Variants in TJP1 observed in about 807,000 individuals in gnomAD.
TJP1 encodes tight junction protein ZO-1.
TJP1 carries 43 observed loss-of-function variants against 194.2 expected under a neutral mutation model. The ratio of observed to expected loss-of-function variants is 0.22; its 90% confidence interval spans 0.17 to 0.29. The LOEUF (loss-of-function observed/expected upper bound fraction) is 0.29. Ranked by LOEUF, TJP1 falls within the 10% of genes least tolerant of loss-of-function variation. The pLI is 1.00. For missense variants in TJP1, 1,971 were observed against 2,185.7 expected (o/e 0.90, Z 1.96); for synonymous variants, 801 against 779.0 (o/e 1.03, Z -0.47).
At chr15:29,924,133 G>A (rs1203730526) in intron 2 of TJP1, among the ~76,000 whole-genome samples, 1 of 152,122 alleles carries the variant, frequency 6.6e-6, no homozygotes, top group Non-Finnish European at 1.5e-5. Flanking sequence ...GAGTTCAGTG[G>A]CACAATCACT....
chr15:29,800,310 C>T (rs1373993592), intron 2 of TJP1, among the ~76,000 whole-genome samples: 1 of 152,144 alleles, frequency 6.6e-6, no homozygotes, highest in Non-Finnish European at 1.5e-5. Flanking sequence ...ACTTCACTCC[C>T]ACAATGGATG....
chr15:29,858,203 C>T (rs1026350082), intron 2 of TJP1, among the ~76,000 whole-genome samples: 1 of 152,108 alleles, frequency 6.6e-6, no homozygotes, highest in African/African-American at 2.4e-5. Flanking sequence ...GAGTTCGAGA[C>T]CAACCTGGGC....
chr15:29,833,857 GTATATATATA>G (rs71416436), intron 2 of TJP1, among the ~76,000 whole-genome samples: 8 of 25,868 alleles, frequency 3.1e-4, no homozygotes, highest in Admixed American at 1.8e-3. Flanking sequence ...ATTTTTGTAA[GTATATATATA>G]TATATATATA....
At chr15:29,796,698 A>G (rs1162538336) in intron 2 of TJP1, among the ~76,000 whole-genome samples, 1 of 152,214 alleles carries the variant, frequency 6.6e-6, no homozygotes, top group Non-Finnish European at 1.5e-5. Flanking sequence ...TTATACAGAA[A>G]GGCAAAGGAG....
chr15:29,830,722 A>G (rs964782824), intron 2 of TJP1, among the ~76,000 whole-genome samples: 1 of 152,054 alleles, frequency 6.6e-6, no homozygotes, highest in African/African-American at 2.4e-5. Context: ...GCCATTGAAA[A>G]GGACTGGGAG....
intron 2 of TJP1, among the ~76,000 whole-genome samples, chr15:29,898,578 T>G (rs1436727199): frequency 6.6e-6 from 1 of 152,168 alleles, no homozygotes; most frequent in East Asian, 1.9e-4. Context: ...ATTAGACAAA[T>G]GAACACAACA....
intron 2 of TJP1, among the ~76,000 whole-genome samples, chr15:29,947,933 T>C (rs1007722392): frequency 3.9e-5 from 6 of 152,128 alleles, no homozygotes; most frequent in African/African-American, 1.2e-4. Flanking sequence ...CCCACACTCC[T>C]TGCTACAAGA....
At chr15:29,876,549 T>G (rs1171755206) in intron 2 of TJP1, among the ~76,000 whole-genome samples, 5 of 152,060 alleles carry the variant, frequency 3.3e-5, no homozygotes, top group African/African-American at 1.2e-4. Context: ...AGATTTTTTT[T>G]GTGACTTTTT....
At chr15:29,919,397 C>T (rs972184600) in intron 2 of TJP1, among the ~76,000 whole-genome samples, 7 of 152,152 alleles carry the variant, frequency 4.6e-5, no homozygotes, top group Non-Finnish European at 8.8e-5. Flanking sequence ...AGTCATACAA[C>T]AGTGTTTTTT....
chr15:29,930,934 A>T (rs1490917162), intron 2 of TJP1, among the ~76,000 whole-genome samples: 2 of 152,212 alleles, frequency 1.3e-5, no homozygotes, highest in Admixed American at 1.3e-4. Flanking sequence ...AAAAATATAC[A>T]GCTGACACTT....
intron 2 of TJP1, among the ~76,000 whole-genome samples, chr15:29,843,725 GAAGA>G (rs1215725016): frequency 1.3e-5 from 2 of 152,208 alleles, no homozygotes; most frequent in Non-Finnish European, 2.9e-5. Flanking sequence ...AAAACTAAGT[GAAGA>G]AAGTGAAGGA....
rs2047746420 is a variant in TJP1, at chr15:29,787,096, A to T, written c.84+13550T>A. 2.0e-5 allele frequency among the ~76,000 whole-genome samples: 3 copies of T among 152,324 alleles called. No individual in the cohort carries two copies. In the South Asian group the frequency reaches 6.2e-4, roughly 32 times the overall value. On this transcript the variant is annotated intron_variant, in intron 2 of 27. Transcript: ENST00000614355. ...TCAGACAGCAGTTTGGAGCTGCTTG[A>T]CCGATAAAATTCCTTTTATCACTTT...
At chr15:29,958,752 G>C (rs1417587601) in intron 1 of TJP1, among the ~76,000 whole-genome samples, 1 of 133,480 alleles carries the variant, frequency 7.5e-6, no homozygotes, top group African/African-American at 2.8e-5. Context: ...AGTGGCATTA[G>C]CACGTCTTCA....
chr15:29,740,175 C>T (rs958220000), intron 10 of TJP1, among the ~76,000 whole-genome samples: 20 of 151,918 alleles, frequency 1.3e-4, no homozygotes, highest in African/African-American at 4.8e-4. Context: ...TGGGTTTTCA[C>T]CATGTTAGCC....
At chr15:29,949,920 CCTT>C (rs1279495133) in intron 2 of TJP1, among the ~76,000 whole-genome samples, 4 of 52,908 alleles carry the variant, frequency 7.6e-5, no homozygotes, top group African/African-American at 1.3e-4. Flanking sequence ...TCCACCTCCA[CCTT>C]CACCACCACC....
intron 18 of TJP1, among the ~76,000 whole-genome samples, chr15:29,721,709 T>C (rs1271114538): frequency 6.6e-6 from 1 of 152,230 alleles, no homozygotes; most frequent in Non-Finnish European, 1.5e-5. Flanking sequence ...AGGGAAAGTT[T>C]GGAATTTCCT....
chr15:29,896,317 T>C (rs546634453), intron 2 of TJP1, among the ~76,000 whole-genome samples: 1 of 152,314 alleles, frequency 6.6e-6, no homozygotes, highest in East Asian at 1.9e-4. Context: ...GGAGTTTCCC[T>C]TCACAAGCTC....
intron 1 of TJP1, among the ~76,000 whole-genome samples, chr15:29,818,275 G>A (rs925845412): frequency 2.0e-5 from 3 of 152,132 alleles, no homozygotes; most frequent in East Asian, 1.9e-4. Flanking sequence ...TGAAAACACA[G>A]AAGCCACTGA....
At chr15:29,859,379 G>A (rs1187228605) in intron 2 of TJP1, among the ~76,000 whole-genome samples, 1 of 152,114 alleles carries the variant, frequency 6.6e-6, no homozygotes, top group African/African-American at 2.4e-5. Flanking sequence ...AAGAGCTTTG[G>A]GAAAACAGAA....
Sources: gnomAD v4.1 joint callset for allele counts (sites outside exome capture counted in the v4.1 genomes callset) on GRCh38, gnomAD v4.1.1 for gene constraint, MANE v1.5 for transcripts, NCBI Gene and HGNC (gene_info 2026-07-23, HGNC 2026-07-21) for gene names.